The following PLPBP variants were observed in gnomAD, a reference collection of about 807,000 sequenced individuals.
The protein encoded by PLPBP is pyridoxal phosphate binding protein.
PLPBP carries 21 observed loss-of-function variants against 31.2 expected under a neutral mutation model. The observed-to-expected ratio is 0.67, with a 90% confidence interval of 0.48 to 0.97. The LOEUF is 0.97. PLPBP is among the 50% of genes least tolerant of loss of function. The probability of loss-of-function intolerance (pLI) is 0.00; values close to 1 mark genes in which losing one functional copy is unlikely to be tolerated. For synonymous variants in PLPBP, 124 were observed against 135.6 expected, an observed-to-expected ratio of 0.91 and a Z score of 0.59; for missense variants, 308 against 354.4, an observed-to-expected ratio of 0.87 and a Z score of 1.05.
At position 37,773,015 on chromosome 8, in the gene PLPBP, T is replaced by G. The variant is rs375079579; in HGVS notation, c.454+126T>G. ...AACAAATCACAGGATCACAGGCCTC[T>G]AAGTTGGCTGTTTTATGTGTGATCT... On this transcript the variant is annotated intron_variant, in intron 5 of 7. Transcript: ENST00000328195. 25 of 1,301,714 alleles carry G rather than the reference T, an allele frequency of 1.9e-5. No individual in the cohort carries two copies. In the East Asian group the frequency reaches 2.6e-4, roughly 14 times the overall value. 80.6% of individuals were successfully genotyped at this position (1,301,714 alleles called of 1,614,324 possible).
chr8:37,768,395 T>TATAA (rs1157280234), intron 4 of PLPBP, among the ~76,000 whole-genome samples: 1 of 151,446 alleles, frequency 6.6e-6, no homozygotes, highest in Non-Finnish European at 1.5e-5. Flanking sequence ...AGTTATAGCT[T>TATAA]ATAAGTCAAC....
intron 4 of PLPBP, among the ~76,000 whole-genome samples, chr8:37,772,261 G>A (rs931383998): frequency 6.6e-6 from 1 of 152,202 alleles, no homozygotes; most frequent in African/African-American, 2.4e-5. Flanking sequence ...CACCCACCTG[G>A]TATTACACGT....
Position 37,778,100 on chromosome 8 carries a change from A to C in PLPBP, c.824A>C (p.His275Pro), listed in dbSNP as rs758438904. 1 of 1,612,856 alleles carries C rather than the reference A, an allele frequency of 6.2e-7. No homozygotes were observed. Among genetic ancestry groups the C allele is most frequent in the Admixed American group, 1.7e-5 (1 of 59,984 alleles). Residue 275 changes from histidine (H) to proline (P), a missense_variant, in exon 8 of 8, where the codon CAC (histidine) becomes CCC (proline). His to Pro is a moderately conservative substitution (Grantham distance 77). Around this residue, in one of 2 missense-constraint regions of PLPBP, gnomAD observed 188 missense variants for 259.3 expected, o/e 0.73. Coordinates refer to ENST00000328195, the MANE Select transcript of PLPBP (RefSeq NM_007198.4). Reference protein sequence around the residue: ...VKAPLEVAQEH With the variant: ...VKAPLEVAQEP ...GCCCCGCTGGAGGTGGCACAGGAGCACTGAGCCAGGGAATACTGAGAGCAC... is the reference window on the plus strand; with the variant it reads ...GCCCCGCTGGAGGTGGCACAGGAGCCCTGAGCCAGGGAATACTGAGAGCAC...
At chr8:37,766,705 A>C in intron 4 of PLPBP, 1 of 867,884 alleles carries the variant, frequency 1.2e-6, no homozygotes. Flanking sequence ...ACAGTAAATA[A>C]AATACAATAC....
At chr8:37,776,647 G>A (rs1300462659) in intron 7 of PLPBP, among the ~76,000 whole-genome samples, 1 of 152,006 alleles carries the variant, frequency 6.6e-6, no homozygotes, top group Non-Finnish European at 1.5e-5. Flanking sequence ...AATTCCATAA[G>A]TGTAGTCTAA....
intron 7 of PLPBP, among the ~76,000 whole-genome samples, chr8:37,776,783 T>C (rs1803925120): frequency 6.6e-6 from 1 of 152,130 alleles, no homozygotes; most frequent in Non-Finnish European, 1.5e-5. Context: ...TGTTTTTTTT[T>C]GGAGACTGAG....
At chr8:37,769,332 C>CTAA (rs939869243) in intron 4 of PLPBP, among the ~76,000 whole-genome samples, 2 of 151,102 alleles carry the variant, frequency 1.3e-5, no homozygotes. Context: ...GAGACCCTAT[C>CTAA]TAATAATAAT....
intron 7 of PLPBP, 95 bp downstream of exon 7, chr8:37,776,111 G>A (rs1803901490): frequency 1.7e-6 from 2 of 1,198,864 alleles, no homozygotes; most frequent in Non-Finnish European, 2.4e-6. Flanking sequence ...TAGAAGCCTT[G>A]GAAATGCCTT....
Position 37,778,019 on chromosome 8 carries a change from G to C in PLPBP, c.743G>C (p.Gly248Ala). The C allele has an allele frequency of 6.2e-7, 1 of 1,613,746 alleles. No individual in the cohort carries two copies. The highest frequency in any genetic ancestry group is 8.5e-7 in the Non-Finnish European group (1 of 1,179,692). The change falls in exon 8 of 8, where the codon GGA becomes GCA. Residue 248 changes from glycine to alanine, a missense_variant. Coordinates refer to ENST00000328195, the MANE Select transcript of PLPBP (RefSeq NM_007198.4). ...GTCCGAATAGGAAGCACGATTTTTG[G>C]AGAGCGGGATTACTCAAAGAAACCC... is the stretch of plus-strand genomic sequence containing the variant. ...TNVRIGSTIFGERDYSKKPTP... is the reference protein window; with the variant it reads ...TNVRIGSTIFAERDYSKKPTP...
chr8:37,775,539 ATT>A (rs1400584641), intron 6 of PLPBP, 58 bp downstream of exon 6: 2 of 1,606,578 alleles, frequency 1.2e-6, no homozygotes, highest in Non-Finnish European at 1.7e-6. Flanking sequence ...CTGGAGTGCT[ATT>A]GCAGGGCTGG....
chr8:37,770,056 C>G (rs765275952), intron 4 of PLPBP, among the ~76,000 whole-genome samples: 11 of 152,202 alleles, frequency 7.2e-5, no homozygotes, highest in Non-Finnish European at 1.3e-4. Flanking sequence ...TCAAAATGTC[C>G]TTATTGCCCA....
At chr8:37,776,339 G>T (rs1391103100) in intron 7 of PLPBP, among the ~76,000 whole-genome samples, 2 of 151,928 alleles carry the variant, frequency 1.3e-5, no homozygotes, top group Non-Finnish European at 2.9e-5. Flanking sequence ...AGCTGGGCGT[G>T]GTGGCGCACG....
intron 6 of PLPBP, 101 bp from the exon 7 acceptor site, chr8:37,775,817 A>C: frequency 8.1e-7 from 1 of 1,234,678 alleles, no homozygotes; most frequent in Non-Finnish European, 1.2e-6. Flanking sequence ...CCTTGAAATC[A>C]TAAGGAATAC....
chr8:37,767,799 CTTT>C (rs1175107737), intron 4 of PLPBP, among the ~76,000 whole-genome samples: 1 of 98,930 alleles, frequency 1.0e-5, no homozygotes, highest in Non-Finnish European at 1.9e-5. Flanking sequence ...CTTTTATTTA[CTTT>C]TTTTTTTTTT....
intron 4 of PLPBP, among the ~76,000 whole-genome samples, chr8:37,768,342 G>T (rs867146836): frequency 2.0e-5 from 3 of 151,810 alleles, no homozygotes; most frequent in Non-Finnish European, 2.9e-5. Context: ...GTGGACTGTT[G>T]TAAGTTAAAC....
rs1268481867 is a variant in PLPBP at position 37,772,663 on chromosome 8, A to G, written c.320-92A>G. 2.7e-6 allele frequency: 4 copies of G among 1,466,514 alleles called. No homozygotes were observed. The African/African-American group carries it at 4.2e-5, about 15-fold the overall frequency. 90.8% of individuals were successfully genotyped at this position (1,466,514 alleles called of 1,614,324 possible). A position where few individuals can be genotyped will look rare whatever the true frequency, so the allele number is the denominator to read the frequency against. On this transcript the variant is annotated intron_variant, in intron 4 of 7. Transcript: ENST00000328195. ...AACTGTGTTTTTCTTTTCCTGGCATATTTTTTCCTCTAACAAGTCAGAGAT... is the reference window on the plus strand; with the variant it reads ...AACTGTGTTTTTCTTTTCCTGGCATGTTTTTTCCTCTAACAAGTCAGAGAT...
intron 4 of PLPBP, among the ~76,000 whole-genome samples, chr8:37,770,292 T>C (rs990686817): frequency 1.3e-5 from 2 of 152,096 alleles, no homozygotes; most frequent in African/African-American, 4.8e-5. Flanking sequence ...CATAGACCAA[T>C]GGAACAGAAT....
At chr8:37,773,047 C>G in intron 5 of PLPBP, among the ~76,000 whole-genome samples, 158 bp downstream of exon 5, 1 of 152,126 alleles carries the variant, frequency 6.6e-6, no homozygotes, top group East Asian at 1.9e-4. Flanking sequence ...ATCTAGGTAG[C>G]ATAATGGCAT....
At chr8:37,777,878 G>A in intron 7 of PLPBP, 95 bp from the exon 8 acceptor site, 3 of 1,413,954 alleles carry the variant, frequency 2.1e-6, no homozygotes, top group Non-Finnish European at 2.9e-6. Flanking sequence ...GTCCATAGAA[G>A]GCTCTTGAGA....
Sources: allele counts gnomAD v4.1 joint callset (sites outside exome capture counted in the v4.1 genomes callset), GRCh38; gene constraint gnomAD v4.1.1; regional missense constraint gnomAD v4.1.1; transcripts MANE v1.5; gene names NCBI Gene and HGNC (gene_info 2026-07-23, HGNC 2026-07-21).